GALNT17: variants seen among roughly 807,000 people sequenced by gnomAD.
The protein encoded by GALNT17 is polypeptide N-acetylgalactosaminyltransferase 17, also known as UDP-GalNAc:polypeptide N-acetylgalactosaminyltransferase-like 3.
GALNT17 carries 29 observed loss-of-function variants against 63.7 expected under a neutral mutation model. The observed-to-expected ratio is 0.46, with a 90% CI of 0.34 to 0.62. GALNT17 has a LOEUF of 0.62. Among genes scored for constraint, GALNT17 ranks in the 20% least tolerant of loss-of-function variants. The pLI, the probability that GALNT17 is intolerant of heterozygous loss-of-function variation, is 0.01. For synonymous variants in GALNT17, 305 were observed against 318.3 expected, an observed-to-expected ratio of 0.96 and a Z score of 0.45; for missense variants, 603 against 799.6, an observed-to-expected ratio of 0.75 and a Z score of 2.97.
At chr7:71,465,738 G>A (rs1164769236) in intron 5 of GALNT17, among the ~76,000 whole-genome samples, 1 of 152,206 alleles carries the variant, frequency 6.6e-6, no homozygotes, top group East Asian at 1.9e-4. Context: ...CTTCAGAGTG[G>A]AGAGCCAATC....
intron 1 of GALNT17, among the ~76,000 whole-genome samples, chr7:71,153,976 A>G (rs1788182623): frequency 6.6e-6 from 1 of 152,140 alleles, no homozygotes; most frequent in Admixed American, 6.6e-5. Flanking sequence ...TGCAAATTTG[A>G]CACTTTCCCC....
At chr7:71,197,676 C>G (rs1195793855) in intron 1 of GALNT17, among the ~76,000 whole-genome samples, 1 of 152,094 alleles carries the variant, frequency 6.6e-6, no homozygotes, top group East Asian at 1.9e-4. Flanking sequence ...TTAGCCTCCA[C>G]AAATAAGGGA....
At chr7:71,351,083 G>A (rs1792181134) in intron 2 of GALNT17, among the ~76,000 whole-genome samples, 1 of 152,210 alleles carries the variant, frequency 6.6e-6, no homozygotes, top group African/African-American at 2.4e-5. Context: ...AGAGGGTGCA[G>A]TGAGCCAAGA....
At position 71,211,576 on chromosome 7, in the gene GALNT17, T is replaced by C. The variant is rs144726947; in HGVS notation, c.238+78536T>C. On this transcript the variant is annotated intron_variant, in intron 1 of 10. Coordinates refer to ENST00000333538, the MANE Select transcript of GALNT17 (RefSeq NM_022479.3). ...TTTGGAATTGGGTAACAGGGAGAGA[T>C]TGGAACAGTTTGGAGGGCTCAGAAG... Among the ~76,000 whole-genome samples the C allele has an allele frequency of 2.6e-3, 388 of 152,100 alleles. 1 individual carries two copies. The highest frequency in any genetic ancestry group is 9.1e-3 in the African/African-American group (379 of 41,482).
intron 2 of GALNT17, among the ~76,000 whole-genome samples, chr7:71,344,098 C>A (rs1792050630): frequency 7.6e-6 from 1 of 132,300 alleles, no homozygotes; most frequent in Non-Finnish European, 1.6e-5. Flanking sequence ...TCCTTTTGGT[C>A]ACTTTTAGAG....
At position 71,631,236 on chromosome 7, in the gene GALNT17, A is replaced by G. The variant is rs1050057653; in HGVS notation, c.1081-34175A>G. Among the ~76,000 whole-genome samples, 3 of 150,790 alleles carry G rather than the reference A, an allele frequency of 2.0e-5. No homozygotes were observed. In the Admixed American group the frequency reaches 2.0e-4, roughly 10 times the overall value. ...TCTTGAGACAATTGCCCTGTTGCCC[A>G]GGCTGGAGTGCAGTGGTATGATCAT... On this transcript the variant is annotated intron_variant, in intron 6 of 10. Coordinates refer to ENST00000333538, the MANE Select transcript of GALNT17 (RefSeq NM_022479.3).
intron 9 of GALNT17, among the ~76,000 whole-genome samples, chr7:71,704,058 A>T (rs1393069231): frequency 6.6e-6 from 1 of 152,196 alleles, no homozygotes; most frequent in Non-Finnish European, 1.5e-5. Context: ...GCCCAGGCAC[A>T]GTTGGAACAC....
chr7:71,596,234 T>C (rs983746659), intron 6 of GALNT17, among the ~76,000 whole-genome samples: 2 of 152,082 alleles, frequency 1.3e-5, no homozygotes, highest in Non-Finnish European at 2.9e-5. Flanking sequence ...GAGACGGGGT[T>C]TCACCATGTT....
chr7:71,440,060 T>G (rs1181569874), intron 5 of GALNT17, among the ~76,000 whole-genome samples: 1 of 151,376 alleles, frequency 6.6e-6, no homozygotes, highest in Non-Finnish European at 1.5e-5. Flanking sequence ...TTTTCCTGCC[T>G]TAGCCTCCCG....
At chr7:71,616,304 A>G (rs1312593774) in intron 6 of GALNT17, among the ~76,000 whole-genome samples, 1 of 151,882 alleles carries the variant, frequency 6.6e-6, no homozygotes, top group Non-Finnish European at 1.5e-5. Context: ...GTCCTCTCAG[A>G]GACTTGATTG....
intron 1 of GALNT17, among the ~76,000 whole-genome samples, chr7:71,334,108 TTGGAC>T (rs1791855628): frequency 1.3e-5 from 2 of 152,142 alleles, no homozygotes; most frequent in Non-Finnish European, 2.9e-5. Context: ...GAAGAGCATA[TTGGAC>T]GGTGGAAATG....
At chr7:71,597,038 CGTTT>C (rs1057227666) in intron 6 of GALNT17, among the ~76,000 whole-genome samples, 2 of 151,822 alleles carry the variant, frequency 1.3e-5, no homozygotes, top group Non-Finnish European at 1.5e-5. Flanking sequence ...AAAAGGGTTT[CGTTT>C]GTTTGTTTGT....
intron 6 of GALNT17, among the ~76,000 whole-genome samples, chr7:71,610,453 C>T (rs1790109668): frequency 6.6e-6 from 1 of 152,070 alleles, no homozygotes; most frequent in South Asian, 2.1e-4. Context: ...GCACTCCAGC[C>T]TGGGTGACAG....
chr7:71,703,417 C>T (rs1791680446), intron 9 of GALNT17, among the ~76,000 whole-genome samples: 1 of 152,142 alleles, frequency 6.6e-6, no homozygotes, highest in South Asian at 2.1e-4. Context: ...TCCTAGACTT[C>T]TAAACAACCA....
intron 1 of GALNT17, among the ~76,000 whole-genome samples, chr7:71,182,992 G>A (rs938630019): frequency 2.6e-5 from 4 of 152,164 alleles, no homozygotes; most frequent in South Asian, 2.1e-4. Context: ...AGAACAGACC[G>A]TGTACATTTC....
At position 71,533,845 on chromosome 7, in the gene GALNT17, CAG is replaced by C. The variant is rs1788758827; in HGVS notation, c.963-37439_963-37438del. Among the ~76,000 whole-genome samples, 3 of 152,216 alleles carry C rather than the reference CAG, an allele frequency of 2.0e-5. No individual in the cohort carries two copies. The South Asian group carries it at 6.2e-4, about 32-fold the overall frequency. ...ATCCATCTCCCTAACCAACTAAAGTCAGGGGTTTACATAGCGAAGAATTAGAG... is the reference window on the plus strand; with the variant it reads ...ATCCATCTCCCTAACCAACTAAAGTCGGGTTTACATAGCGAAGAATTAGAG... On this transcript the variant is annotated intron_variant, in intron 5 of 10. Coordinates refer to ENST00000333538, the MANE Select transcript of GALNT17 (RefSeq NM_022479.3).
intron 5 of GALNT17, among the ~76,000 whole-genome samples, chr7:71,530,578 ATT>A (rs71914704): frequency 1.0e-5 from 1 of 95,804 alleles, no homozygotes; most frequent in African/African-American, 4.2e-5. Flanking sequence ...TTATTTATTT[ATT>A]TATTTATTTT....
At chr7:71,384,628 T>C (rs189303537) in intron 2 of GALNT17, among the ~76,000 whole-genome samples, 1 of 152,308 alleles carries the variant, frequency 6.6e-6, no homozygotes, top group Admixed American at 6.5e-5. Context: ...ATCTTCTGCA[T>C]GTTTATGGAG....
At chr7:71,279,528 C>T (rs1327684313) in intron 1 of GALNT17, among the ~76,000 whole-genome samples, 1 of 151,944 alleles carries the variant, frequency 6.6e-6, no homozygotes, top group African/African-American at 2.4e-5. Flanking sequence ...ACAAAGACAG[C>T]AGCCATTGGA....
Sources: gnomAD v4.1 joint callset for allele counts (sites outside exome capture counted in the v4.1 genomes callset) on GRCh38, gnomAD v4.1.1 for gene constraint, MANE v1.5 for transcripts, NCBI Gene and HGNC (gene_info 2026-07-23, HGNC 2026-07-21) for gene names.